JAKMIP3: variants seen among roughly 807,000 people sequenced by gnomAD.
JAKMIP3 encodes the protein Janus kinase and microtubule interacting protein 3, also known as janus kinase and microtubule-interacting protein 3.
In JAKMIP3, 58 loss-of-function variants were observed where a neutral mutation model predicts 118.5. The ratio of observed to expected loss-of-function variants is 0.49; its 90% CI spans 0.40 to 0.61. The LOEUF (loss-of-function observed/expected upper bound fraction) is 0.61, where lower values mean the gene tolerates loss of function less well. JAKMIP3 is among the 20% of genes least tolerant of loss of function. JAKMIP3 has a pLI of 0.00. For synonymous variants in JAKMIP3, 486 were observed against 451.2 expected (o/e 1.08, Z -0.98); for missense variants, 950 against 1,109.0 (o/e 0.86, Z 2.04).
intron 9 of JAKMIP3, among the ~76,000 whole-genome samples, chr10:132,138,861 C>T (rs866189972): frequency 7.9e-5 from 12 of 152,224 alleles, no homozygotes; most frequent in Non-Finnish European, 1.3e-4. Flanking sequence ...TCACCGTCCT[C>T]GGCCACACTT....
chr10:132,047,384 A>G (rs527703692), intron 1 of JAKMIP3, among the ~76,000 whole-genome samples: 2 of 152,364 alleles, frequency 1.3e-5, no homozygotes, highest in African/African-American at 4.8e-5. Flanking sequence ...AGAGGAACGC[A>G]TAGCTCAAAG....
rs761502256 is a variant in JAKMIP3 at position 132,137,272 on chromosome 10, T to C, written c.1267T>C (p.Tyr423His). ...ELSKTLETAG[Y>H]VKSVLERDKL... ...TTCCTAGACCCTTGAGACCGCCGGC[T>C]ACGTGAAGAGCGTGTTAGTAAGTAT... is the stretch of plus-strand genomic sequence containing the variant. The change falls in exon 8 of 24, where the codon TAC becomes CAC. Residue 423 changes from tyrosine (Y) to histidine (H), a missense_variant. Coordinates refer to ENST00000684848, the MANE Select transcript of JAKMIP3 (RefSeq NM_001323087.2). The C allele has an allele frequency of 5.6e-6, 9 of 1,613,908 alleles. No homozygotes were observed. The highest frequency in any genetic ancestry group is 5.0e-5 in the Admixed American group (3 of 60,028).
intron 1 of JAKMIP3, among the ~76,000 whole-genome samples, chr10:132,085,843 T>C (rs1223502051): frequency 1.3e-5 from 2 of 152,176 alleles, no homozygotes; most frequent in Non-Finnish European, 2.9e-5. Flanking sequence ...ATTTATCTTT[T>C]GTATATATTT....
At chr10:132,180,726 T>TGTGCGTGC (rs1411494691) in intron 23 of JAKMIP3, among the ~76,000 whole-genome samples, 2 of 21,142 alleles carry the variant, frequency 9.5e-5, no homozygotes, top group African/African-American at 5.1e-4. Context: ...TGTGCGTGTG[T>TGTGCGTGC]GTGCGTGTGT....
rs137951141 is a variant in JAKMIP3 at position 132,126,241 on chromosome 10, A to G, written c.634-7071A>G. On this transcript the variant is annotated intron_variant, in intron 3 of 23. Transcript: ENST00000684848. The stretch of plus-strand genomic sequence containing the variant: ...TCAAATATTCATTTCACCGACTGTG[A>G]TGTTAGCTGCAGGTTGGTTGGTTGG... Among the ~76,000 whole-genome samples, 10 of 151,588 alleles carry G rather than the reference A, an allele frequency of 6.6e-5. No individual in the cohort carries two copies. The East Asian group carries it at 1.9e-3, about 29-fold the overall frequency.
rs140872265 is a variant in JAKMIP3, at chr10:132,073,127, A to G, written c.-138+7066A>G. Reference sequence around the variant, plus strand: ...GTAGTATTCCATGTTGTGTGTGTGTATGTAGAACACAAATTTTTATCCAAT... The same window carrying G: ...GTAGTATTCCATGTTGTGTGTGTGTGTGTAGAACACAAATTTTTATCCAAT... On this transcript the variant is annotated intron_variant, in intron 1 of 23. Coordinates refer to ENST00000684848, the MANE Select transcript of JAKMIP3 (RefSeq NM_001323087.2). 3.1e-3 allele frequency among the ~76,000 whole-genome samples: 476 copies of G among 152,286 alleles called. 4 individuals are homozygous for G. Among genetic ancestry groups the G allele is most frequent in the African/African-American group, 0.01 (435 of 41,558 alleles).
chr10:132,084,807 C>T (rs2042182192), intron 1 of JAKMIP3, among the ~76,000 whole-genome samples: 2 of 152,156 alleles, frequency 1.3e-5, no homozygotes, highest in African/African-American at 4.8e-5. Context: ...TTGTCTAATG[C>T]TTTTTCTGCA....
intron 9 of JAKMIP3, among the ~76,000 whole-genome samples, chr10:132,138,713 C>G (rs1473238523): frequency 6.6e-6 from 1 of 152,232 alleles, no homozygotes; most frequent in African/African-American, 2.4e-5. Context: ...GGTGCCGGCT[C>G]TGGTGTCCTC....
chr10:132,183,008 G>A lies in JAKMIP3; in HGVS notation c.*1755G>A, dbSNP rs1783488758. 6.6e-6 allele frequency: 1 copy of A among 152,220 alleles called. No individual in the cohort carries two copies. The highest frequency in any genetic ancestry group is 2.4e-5 in the African/African-American group (1 of 41,452). The allele number at this position is 152,220 out of a possible 1,614,324, so 9.4% of individuals were successfully genotyped here. A position where few individuals can be genotyped will look rare whatever the true frequency, so the allele number is the denominator to read the frequency against. ...ATTTACTCGGCAAGATACTGGGCCA[G>A]TTCAGTGTCTCTAGCTGAGCCTGAC... is the stretch of plus-strand genomic sequence containing the variant. On this transcript the variant is annotated 3_prime_UTR_variant, in exon 24 of 24. Transcript: ENST00000684848.
rs779013303 is a variant in JAKMIP3, at chr10:132,168,218, G to A, written c.*288G>A. The A allele has an allele frequency of 2.8e-5, 36 of 1,288,894 alleles. No homozygotes were observed. Among genetic ancestry groups the A allele is most frequent in the African/African-American group, 1.7e-4 (11 of 65,816 alleles). The allele number at this position is 1,288,894 out of a possible 1,614,324, so 79.8% of individuals were successfully genotyped here. On this transcript the variant is annotated 3_prime_UTR_variant, in exon 23 of 24. Transcript: ENST00000684848. Reference sequence around the variant, plus strand: ...TGCTGGACCCTGGGTCCCTTCTCCCGGACGGCAGCCCCCATCCCATTTCCA... The same window carrying A: ...TGCTGGACCCTGGGTCCCTTCTCCCAGACGGCAGCCCCCATCCCATTTCCA...
chr10:132,164,990 C>T (rs1258084797), intron 21 of JAKMIP3, among the ~76,000 whole-genome samples: 1 of 152,244 alleles, frequency 6.6e-6, no homozygotes, highest in Non-Finnish European at 1.5e-5. Context: ...TGCCAGGGCC[C>T]AGCCATGCGA....
chr10:132,180,775 G>A lies in JAKMIP3; in HGVS notation c.*1104-1582G>A, dbSNP rs1244796827. 3.5e-5 allele frequency among the ~76,000 whole-genome samples: 3 copies of A among 84,700 alleles called. 1 individual carries two copies. The highest frequency in any genetic ancestry group is 1.4e-4 in the African/African-American group (3 of 21,122). 55.6% of individuals were successfully genotyped at this position (84,700 alleles called of 152,430 possible). A position where few individuals can be genotyped will look rare whatever the true frequency, so the allele number is the denominator to read the frequency against. ...CGCGTGTGTGCGTGTGTGTGCGTGTGTGTGTGTGCGCGTATGCATGTGCTG... is the reference window on the plus strand; with the variant it reads ...CGCGTGTGTGCGTGTGTGTGCGTGTATGTGTGTGCGCGTATGCATGTGCTG... On this transcript the variant is annotated intron_variant, in intron 23 of 23. Transcript: ENST00000684848.
At chr10:132,166,842 C>T in intron 21 of JAKMIP3, 141 bp from the exon 22 acceptor site, 1 of 656,366 alleles carries the variant, frequency 1.5e-6, no homozygotes, top group Non-Finnish European at 2.6e-6. Context: ...TCCCTCGGCA[C>T]AGTCCTTAAT....
chr10:132,064,851 T>C (rs534322236), upstream of JAKMIP3, among the ~76,000 whole-genome samples: 35 of 152,174 alleles, frequency 2.3e-4, 1 homozygote, highest in Non-Finnish European at 4.1e-4. The surrounding 1 kb of genome is among the most constrained non-coding windows in gnomAD (Gnocchi z 4.4). Context: ...CGGCGTTCAC[T>C]CTGTGGGCTC....
At chr10:132,045,300 G>T (rs1360875925) in intron 1 of JAKMIP3, among the ~76,000 whole-genome samples, 1 of 152,110 alleles carries the variant, frequency 6.6e-6, no homozygotes, top group African/African-American at 2.4e-5. Flanking sequence ...ATGCTTGTTG[G>T]CTGCCTGGAT....
At chr10:132,037,438 G>T (rs892195412) in intron 1 of JAKMIP3, among the ~76,000 whole-genome samples, 1 of 152,148 alleles carries the variant, frequency 6.6e-6, no homozygotes, top group Non-Finnish European at 1.5e-5. Context: ...CCTGGGATTC[G>T]CTTGCAGAAC....
At chr10:132,167,833 T>A in intron 22 of JAKMIP3, 120 bp from the exon 23 acceptor site, 2 of 565,300 alleles carry the variant, frequency 3.5e-6, no homozygotes, top group Non-Finnish European at 5.5e-6. Flanking sequence ...CCCTCACCCC[T>A]CGGCCCTCGC....
At chr10:132,161,797 C>A (rs1247812291) in intron 19 of JAKMIP3, among the ~76,000 whole-genome samples, 1 of 98,200 alleles carries the variant, frequency 1.0e-5, no homozygotes, top group East Asian at 3.4e-4. Flanking sequence ...GGGGGTGTCT[C>A]TCCCTGTGTG....
intron 23 of JAKMIP3, among the ~76,000 whole-genome samples, chr10:132,172,446 C>T (rs1235996270): frequency 2.0e-5 from 3 of 152,054 alleles, no homozygotes; most frequent in Non-Finnish European, 4.4e-5. Flanking sequence ...GTGAACGTTG[C>T]CCCGATCTCC....
Sources: allele counts gnomAD v4.1 joint callset (sites outside exome capture counted in the v4.1 genomes callset), GRCh38; gene constraint gnomAD v4.1.1; non-coding constraint Gnocchi (gnomAD v3.1); transcripts MANE v1.5; gene names NCBI Gene and HGNC (gene_info 2026-07-23, HGNC 2026-07-21).